STK32B: variants seen among roughly 807,000 people sequenced by gnomAD.
STK32B encodes the protein serine/threonine kinase 32B, also known as serine/threonine-protein kinase 32B.
Under a neutral mutation model 52.6 loss-of-function variants are expected in STK32B, and 43 were observed. The ratio of observed to expected loss-of-function variants is 0.82; its 90% confidence interval spans 0.64 to 1.05. The LOEUF (loss-of-function observed/expected upper bound fraction) is 1.05, where lower values mean the gene tolerates loss of function less well. STK32B is among the 50% of genes least tolerant of loss of function. The probability of loss-of-function intolerance (pLI) is 0.00; values close to 1 mark genes in which losing one functional copy is unlikely to be tolerated. For missense variants in STK32B, 621 were observed against 534.6 expected, an observed-to-expected ratio of 1.16 and a Z score of -1.59; for synonymous variants, 238 against 204.3, an observed-to-expected ratio of 1.17 and a Z score of -1.41.
chr4:5,371,574 C>G (rs908037262), intron 4 of STK32B, among the ~76,000 whole-genome samples: 1 of 152,128 alleles, frequency 6.6e-6, no homozygotes, highest in East Asian at 1.9e-4. Flanking sequence ...AAGACAACAC[C>G]AGGCCCAGCC....
At position 5,469,155 on chromosome 4, in the gene STK32B, A is replaced by T. The variant is rs1717666495; in HGVS notation, c.1106+1085A>T. 6.6e-6 allele frequency among the ~76,000 whole-genome samples: 1 copy of T among 152,276 alleles called. No homozygotes were observed. The highest frequency in any genetic ancestry group is 6.5e-5 in the Admixed American group (1 of 15,292). On this transcript the variant is annotated intron_variant, in intron 11 of 11. Coordinates refer to ENST00000282908, the MANE Select transcript of STK32B (RefSeq NM_018401.3). The surrounding 1 kb of genome is among the most constrained non-coding windows in gnomAD (Gnocchi z 4.7). Reference sequence around the variant, plus strand: ...GATGAGCCCCATTGGACCCACACTAAGCCAAGCTTTGGGTTGGTGGAGGCA... The same window carrying T: ...GATGAGCCCCATTGGACCCACACTATGCCAAGCTTTGGGTTGGTGGAGGCA...
chr4:5,067,499 C>G (rs944085418), intron 1 of STK32B, among the ~76,000 whole-genome samples: 9 of 152,134 alleles, frequency 5.9e-5, no homozygotes, highest in African/African-American at 2.2e-4. Context: ...TAAGGAAAAT[C>G]ACCGTGTAAA....
At position 5,156,540 on chromosome 4, in the gene STK32B, G is replaced by T. The variant is rs569264631; in HGVS notation, c.109-11759G>T. 1.6e-4 allele frequency among the ~76,000 whole-genome samples: 24 copies of T among 152,298 alleles called. No individual in the cohort carries two copies. In the South Asian group the frequency reaches 5.0e-3, roughly 32 times the overall value. On this transcript the variant is annotated intron_variant, in intron 2 of 11. Transcript: ENST00000282908. ...CTGAGCCAGCAGGAGCGTCCACGGT[G>T]AAGTGCTCCACTTTGAGTTAACTCT...
intron 11 of STK32B, among the ~76,000 whole-genome samples, chr4:5,477,993 C>G (rs767982664): frequency 1.3e-5 from 2 of 152,100 alleles, no homozygotes; most frequent in Non-Finnish European, 2.9e-5. Flanking sequence ...GCCTCACCTC[C>G]GAGTCTAGGG....
At chr4:5,302,535 A>T (rs10017068) in intron 3 of STK32B, among the ~76,000 whole-genome samples, 48,795 of 151,984 alleles carry the variant, frequency 0.32, 12,659 homozygotes, top group African/African-American at 0.72. Flanking sequence ...CCTGTATGGA[A>T]ACCCAATTAA....
intron 11 of STK32B, among the ~76,000 whole-genome samples, chr4:5,491,132 T>C (rs1403055440): frequency 2.6e-5 from 4 of 152,198 alleles, no homozygotes; most frequent in African/African-American, 9.7e-5. Flanking sequence ...AGTTCTAGAT[T>C]GCTGAAGAAT....
At chr4:5,385,049 G>C (rs1187822427) in intron 4 of STK32B, among the ~76,000 whole-genome samples, 1 of 152,128 alleles carries the variant, frequency 6.6e-6, no homozygotes. Context: ...GGACTTTTCC[G>C]AGCGTCCACA....
At position 5,469,073 on chromosome 4, in the gene STK32B, T is replaced by A. The variant is rs12509727; in HGVS notation, c.1106+1003T>A. Among the ~76,000 whole-genome samples the A allele has an allele frequency of 1.3e-5, 2 of 148,806 alleles. No homozygotes were observed. Among genetic ancestry groups the A allele is most frequent in the Admixed American group, 6.7e-5 (1 of 15,028 alleles). On this transcript the variant is annotated intron_variant, in intron 11 of 11. Transcript: ENST00000282908. This position sits in a 1 kb window ranked among gnomAD's most constrained non-coding sequence, Gnocchi z 4.7. ...CTCAAAAAAAAAAAAAAAAATTATC[T>A]AGGGGATTTGTGGCTGTGGCTGACT...
intron 4 of STK32B, among the ~76,000 whole-genome samples, chr4:5,383,384 C>T (rs565406788): frequency 2.0e-5 from 3 of 152,306 alleles, no homozygotes; most frequent in South Asian, 4.1e-4. Context: ...CAGAGGAATC[C>T]GAGCTGACCA....
intron 4 of STK32B, among the ~76,000 whole-genome samples, chr4:5,339,708 A>G (rs943786479): frequency 3.9e-5 from 6 of 152,170 alleles, no homozygotes; most frequent in African/African-American, 1.4e-4. Flanking sequence ...CTTCCATCTC[A>G]TTGGGCTTAG....
chr4:5,241,450 G>A (rs1725017531), intron 3 of STK32B, among the ~76,000 whole-genome samples: 1 of 152,130 alleles, frequency 6.6e-6, no homozygotes. Context: ...GCAAACAACT[G>A]AGGGCAACTT....
chr4:5,391,531 C>T (rs927297712), intron 4 of STK32B, among the ~76,000 whole-genome samples: 5 of 152,104 alleles, frequency 3.3e-5, no homozygotes, highest in Non-Finnish European at 5.9e-5. Context: ...TGAGCTGTAT[C>T]CTGAAACCTG....
At chr4:5,021,316 G>A in the STK32B span, among the ~76,000 whole-genome samples, 3 of 152,342 alleles carry the variant, frequency 2.0e-5, 1 homozygote, top group African/African-American at 7.2e-5. Context: ...GTGAGAATGT[G>A]TTCTCTAAAC....
rs868712652 is a variant in STK32B, at chr4:5,383,942, A to G, written c.435-14265A>G. Among the ~76,000 whole-genome samples the G allele has an allele frequency of 1.1e-4, 16 of 152,306 alleles. 1 individual carries two copies. The South Asian group carries it at 2.1e-3, about 20-fold the overall frequency. On this transcript the variant is annotated intron_variant, in intron 4 of 11. Transcript: ENST00000282908. ...ACGTGGATACAGTGTCAGGCATGAT[A>G]AGGGCATGGAGAGAAATGAAGGAGG... is the stretch of plus-strand genomic sequence containing the variant.
At chr4:5,316,837 ATT>A (rs1730888116) in intron 3 of STK32B, among the ~76,000 whole-genome samples, 1 of 2,820 alleles carries the variant, frequency 3.5e-4, no homozygotes, top group Non-Finnish European at 5.9e-4. Context: ...TATATTATAT[ATT>A]ATATATAATA....
At chr4:5,085,148 G>A (rs1712655635) in intron 1 of STK32B, among the ~76,000 whole-genome samples, 1 of 152,124 alleles carries the variant, frequency 6.6e-6, no homozygotes, top group African/African-American at 2.4e-5. Context: ...GAAGCTAATT[G>A]ATTAAATTTC....
chr4:5,177,146 G>A (rs1719969817), intron 3 of STK32B, among the ~76,000 whole-genome samples: 2 of 152,180 alleles, frequency 1.3e-5, no homozygotes, highest in African/African-American at 4.8e-5. Flanking sequence ...GCCCAAGACT[G>A]GGTGATTTAT....
chr4:5,404,681 G>A (rs115631564), intron 5 of STK32B, among the ~76,000 whole-genome samples: 2,976 of 151,390 alleles, frequency 0.02, 96 homozygotes, highest in African/African-American at 0.066. Flanking sequence ...CCACTCAGGC[G>A]TGTTACCCTC....
chr4:5,168,152 G>A, intron 2 of STK32B, 147 bp from the exon 3 acceptor site: 2 of 997,572 alleles, frequency 2.0e-6, no homozygotes, highest in Non-Finnish European at 2.9e-6. Flanking sequence ...GAGAGGTTGT[G>A]CCTAACTTAG....
Sources: gnomAD v4.1 joint callset for allele counts (sites outside exome capture counted in the v4.1 genomes callset) on GRCh38, gnomAD v4.1.1 for gene constraint, Gnocchi (gnomAD v3.1) non-coding constraint, MANE v1.5 for transcripts, NCBI Gene and HGNC (gene_info 2026-07-23, HGNC 2026-07-21) for gene names.